Variants in GATAD2A observed in about 807,000 individuals in gnomAD.
GATAD2A encodes GATA zinc finger domain containing 2A.
A neutral mutation model predicts 68.5 loss-of-function variants in GATAD2A; 12 were observed. The ratio of observed to expected loss-of-function variants is 0.18; its 90% confidence interval spans 0.11 to 0.28. The LOEUF (loss-of-function observed/expected upper bound fraction) is 0.28. Among genes scored for constraint, GATAD2A ranks in the 10% least tolerant of loss-of-function variants. The pLI is 1.00. For synonymous variants in GATAD2A, 410 were observed against 375.3 expected (o/e 1.09, Z -1.07); for missense variants, 755 against 868.5 (o/e 0.87, Z 1.64).
chr19:19,400,148 T>C (rs2049598231), intron 1 of GATAD2A, among the ~76,000 whole-genome samples: 1 of 152,152 alleles, frequency 6.6e-6, no homozygotes, highest in Admixed American at 6.5e-5. Flanking sequence ...ACATGGCAGA[T>C]GAAGACAGAG....
At chr19:19,396,060 C>G (rs1488557212) in intron 1 of GATAD2A, among the ~76,000 whole-genome samples, 1 of 152,148 alleles carries the variant, frequency 6.6e-6, no homozygotes, top group Non-Finnish European at 1.5e-5. Context: ...GTGGCTCACA[C>G]CTGTAAACCC....
At chr19:19,488,135 G>A (rs1321988960) in intron 2 of GATAD2A, among the ~76,000 whole-genome samples, 1 of 152,210 alleles carries the variant, frequency 6.6e-6, no homozygotes, top group Admixed American at 6.5e-5. Context: ...AGGAGGACAC[G>A]CTTCATTTAT....
chr19:19,434,201 C>A (rs576079943), intron 1 of GATAD2A, among the ~76,000 whole-genome samples: 1 of 152,254 alleles, frequency 6.6e-6, no homozygotes, highest in South Asian at 2.1e-4. Context: ...TGTAGAAACA[C>A]AGCTGATTTT....
chr19:19,435,261 G>C (rs146053729), intron 1 of GATAD2A: 5 of 412,184 alleles, frequency 1.2e-5, no homozygotes, highest in South Asian at 9.3e-5. Flanking sequence ...TCACTCTGTC[G>C]CCCAGGTTGG....
chr19:19,448,917 A>G (rs913401484), intron 1 of GATAD2A, among the ~76,000 whole-genome samples: 2 of 152,140 alleles, frequency 1.3e-5, no homozygotes, highest in African/African-American at 4.8e-5. Context: ...AAGGGCCCTC[A>G]AGCTGAGACA....
At chr19:19,387,184 C>T (rs1394519975) in intron 1 of GATAD2A, among the ~76,000 whole-genome samples, 2 of 151,994 alleles carry the variant, frequency 1.3e-5, no homozygotes, top group African/African-American at 4.8e-5. Flanking sequence ...TTGTGGACCC[C>T]TGGGGAACCC....
At chr19:19,492,751 G>T (rs755614422) in intron 4 of GATAD2A, 39 bp downstream of exon 4, 22 of 1,608,872 alleles carry the variant, frequency 1.4e-5, no homozygotes, top group Non-Finnish European at 1.9e-5. Context: ...GCCAGCAGGA[G>T]CGCCTGGCCT....
chr19:19,414,089 G>T (rs968897876), intron 1 of GATAD2A, among the ~76,000 whole-genome samples: 1 of 152,154 alleles, frequency 6.6e-6, no homozygotes, highest in African/African-American at 2.4e-5. Flanking sequence ...TCAGATGTTG[G>T]TGGTAGGAGT....
At chr19:19,460,938 C>T (rs1337606938) in intron 1 of GATAD2A, among the ~76,000 whole-genome samples, 1 of 152,194 alleles carries the variant, frequency 6.6e-6, no homozygotes, top group Non-Finnish European at 1.5e-5. Context: ...TTCCACCCAG[C>T]CCCCGTCCCT....
chr19:19,471,753 C>T (rs1600220949), intron 2 of GATAD2A, among the ~76,000 whole-genome samples: 1 of 152,066 alleles, frequency 6.6e-6, no homozygotes, highest in East Asian at 1.9e-4. Context: ...TAAATGTGCA[C>T]ACAGAAAAAC....
At chr19:19,470,143 A>ATTTTTTT (rs750710437) in intron 2 of GATAD2A, among the ~76,000 whole-genome samples, 9 of 132,874 alleles carry the variant, frequency 6.8e-5, no homozygotes, top group Admixed American at 3.9e-4. Context: ...CTGCGACTTT[A>ATTTTTTT]TTTTTTTTTT....
At chr19:19,456,605 G>T (rs566772359) in intron 1 of GATAD2A, among the ~76,000 whole-genome samples, 29 of 152,346 alleles carry the variant, frequency 1.9e-4, no homozygotes, top group Admixed American at 1.6e-3. Context: ...GCATCCCGCA[G>T]TGTTTTTAGG....
chr19:19,506,225 C>T lies in GATAD2A; in HGVS notation c.*751C>T, dbSNP rs1032345557. On this transcript the variant is annotated 3_prime_UTR_variant, in exon 12 of 12. Transcript: ENST00000683918. ...TGCTTGTTCTGGAGACCCCCGCCCC[C>T]GCACCTTCCAGACTTAGCAGAAGAA... 3.0e-5 allele frequency: 12 copies of T among 398,686 alleles called. No individual in the cohort carries two copies. Among genetic ancestry groups the T allele is most frequent in the African/African-American group, 8.2e-5 (4 of 48,712 alleles). The allele number at this position is 398,686 out of a possible 1,614,324, so 24.7% of individuals were successfully genotyped here.
intron 1 of GATAD2A, chr19:19,440,391 C>T (rs1450346118): frequency 2.0e-5 from 4 of 202,326 alleles, no homozygotes; most frequent in Non-Finnish European, 3.0e-5. Context: ...CTGCCTCAGC[C>T]TCCCGAGTAG....
intron 1 of GATAD2A, among the ~76,000 whole-genome samples, chr19:19,392,963 G>A (rs1172777720): frequency 6.6e-6 from 1 of 152,034 alleles, no homozygotes; most frequent in African/African-American, 2.4e-5. Context: ...CCAAAGTGTT[G>A]GGATTACAGG....
chr19:19,481,880 A>G (rs1445196023), intron 2 of GATAD2A, among the ~76,000 whole-genome samples: 2 of 152,116 alleles, frequency 1.3e-5, no homozygotes, highest in East Asian at 1.9e-4. Context: ...TGGAAGGATC[A>G]CCTGATCCCA....
intron 1 of GATAD2A, among the ~76,000 whole-genome samples, chr19:19,394,756 T>G (rs2049101679): frequency 6.6e-6 from 1 of 152,222 alleles, no homozygotes; most frequent in Non-Finnish European, 1.5e-5. Flanking sequence ...GGCTTTCCTC[T>G]TACACTGGGA....
intron 2 of GATAD2A, among the ~76,000 whole-genome samples, chr19:19,478,821 A>C (rs1006773290): frequency 3.3e-5 from 5 of 151,962 alleles, no homozygotes; most frequent in Non-Finnish European, 7.4e-5. Flanking sequence ...CAAAAAAAAA[A>C]AACAAAAAAA....
At position 19,408,265 on chromosome 19, in the gene GATAD2A, G is replaced by A. The variant is rs540387113; in HGVS notation, c.-7+2246G>A. ...CTCCCAAAGTGCTGGGATTACAGGC[G>A]TGAGCCACCACGCCTGGCGGATGCA... On this transcript the variant is annotated intron_variant, in intron 1 of 11. Transcript: ENST00000683918. Among the ~76,000 whole-genome samples, 10 of 152,320 alleles carry A rather than the reference G, an allele frequency of 6.6e-5. No individual in the cohort carries two copies. The East Asian group carries it at 1.5e-3, about 24-fold the overall frequency.
Sources: gnomAD v4.1 joint callset for allele counts (sites outside exome capture counted in the v4.1 genomes callset) on GRCh38, gnomAD v4.1.1 for gene constraint, MANE v1.5 for transcripts, NCBI Gene and HGNC (gene_info 2026-07-23, HGNC 2026-07-21) for gene names.